The following NMI variants were observed in gnomAD, a reference collection of about 807,000 sequenced individuals.
NMI encodes the protein N-myc-interactor.
In NMI, 39 loss-of-function variants were observed where a neutral mutation model predicts 34.3. That is an observed-to-expected ratio of 1.14 (90% confidence interval 0.88 to 1.49). The LOEUF is 1.49. Ranked by LOEUF, NMI falls within the 40% of genes most tolerant of loss-of-function variation. NMI has a pLI of 0.00. For missense variants in NMI, 339 were observed against 358.1 expected (o/e 0.95, Z 0.43); for synonymous variants, 113 against 120.3 (o/e 0.94, Z 0.40).
At chr2:151,275,316 C>T (rs1683271425) in intron 6 of NMI, among the ~76,000 whole-genome samples, 168 bp downstream of exon 6, 1 of 152,062 alleles carries the variant, frequency 6.6e-6, no homozygotes, top group South Asian at 2.1e-4. Context: ...CTAGTACTGT[C>T]CCTGGAAATA....
At position 151,287,266 on chromosome 2, in the gene NMI, G is replaced by GAT. The variant is rs141061587; in HGVS notation, c.-7+2325_-7+2326dup. On this transcript the variant is annotated intron_variant, in intron 1 of 7. Transcript: ENST00000243346. ...CTGTAAGTTTGAGATGCCTTGAGACGATATATATATATAAGTATATATATA... is the reference window on the plus strand; with the variant it reads ...CTGTAAGTTTGAGATGCCTTGAGACGATATATATATATATAAGTATATATATA... 1.8e-3 allele frequency among the ~76,000 whole-genome samples: 268 copies of GAT among 149,250 alleles called. 1 individual carries two copies. The highest frequency in any genetic ancestry group is 6.1e-3 in the African/African-American group (249 of 40,612).
intron 6 of NMI, among the ~76,000 whole-genome samples, chr2:151,274,665 A>G (rs1248624363): frequency 6.6e-6 from 1 of 151,046 alleles, no homozygotes; most frequent in African/African-American, 2.4e-5. Context: ...TTTAGTAGAG[A>G]CGGGGTTTCA....
intron 4 of NMI, chr2:151,277,238 T>C (rs1434056635): frequency 3.3e-5 from 5 of 152,370 alleles, no homozygotes; most frequent in East Asian, 3.9e-4. Context: ...ACTTGGATGA[T>C]GGTTTTTTGT....
chr2:151,281,174 A>G (rs562571740), intron 3 of NMI, among the ~76,000 whole-genome samples: 9 of 152,144 alleles, frequency 5.9e-5, no homozygotes, highest in Admixed American at 3.9e-4. Context: ...AGTTGTTAAG[A>G]AAAAAAATGG....
At chr2:151,276,436 T>C (rs969807142) in intron 4 of NMI, among the ~76,000 whole-genome samples, 5 of 152,210 alleles carry the variant, frequency 3.3e-5, no homozygotes, top group Admixed American at 2.0e-4. Context: ...ATTCTTCTCA[T>C]AAGATGAATC....
intron 1 of NMI, among the ~76,000 whole-genome samples, chr2:151,287,770 G>A (rs1344179448): frequency 6.6e-6 from 1 of 152,110 alleles, no homozygotes; most frequent in Non-Finnish European, 1.5e-5. Context: ...ACTCCTCCCT[G>A]CAGACATTCA....
chr2:151,274,697 C>T (rs1297247300), intron 6 of NMI, among the ~76,000 whole-genome samples: 1 of 151,452 alleles, frequency 6.6e-6, no homozygotes, highest in African/African-American at 2.4e-5. Context: ...AGGCTGGTCT[C>T]GAACTCCTCA....
chr2:151,272,352 A>G (rs1306013421), intron 6 of NMI, among the ~76,000 whole-genome samples: 1 of 152,218 alleles, frequency 6.6e-6, no homozygotes, highest in African/African-American at 2.4e-5. Context: ...GGAATATACA[A>G]CCATGTTTTT....
At position 151,282,866 on chromosome 2, in the gene NMI, A is replaced by G. The variant is rs758245843; in HGVS notation, c.81+2T>C. 7.7e-6 allele frequency: 11 copies of G among 1,429,640 alleles called. No homozygotes were observed. Among genetic ancestry groups the G allele is most frequent in the African/African-American group, 1.4e-5 (1 of 70,464 alleles). The allele number at this position is 1,429,640 out of a possible 1,614,324, so 88.6% of individuals were successfully genotyped here. A position where few individuals can be genotyped will look rare whatever the true frequency, so the allele number is the denominator to read the frequency against. On this transcript the variant is annotated splice_donor_variant, in intron 2 of 7. Coordinates refer to ENST00000243346, the MANE Select transcript of NMI (RefSeq NM_004688.3). LOFTEE classifies it high-confidence loss of function. ...AATAATACCCAGTAATTTCCTTTTT[A>G]CCTTATTTTGTTCATCTTTTATAAA...
At chr2:151,282,801 C>T (rs1558877475) in intron 2 of NMI, 67 bp downstream of exon 2, 1 of 823,498 alleles carries the variant, frequency 1.2e-6, no homozygotes, top group Non-Finnish European at 1.9e-6. Context: ...ACATACAAAA[C>T]ATGCCTTACT....
chr2:151,275,593 G>C lies in NMI; in HGVS notation c.525C>G (p.Asp175Glu). 4 of 1,614,134 alleles carry C rather than the reference G, an allele frequency of 2.5e-6. No individual in the cohort carries two copies. Among genetic ancestry groups the C allele is most frequent in the Non-Finnish European group, 2.5e-6 (3 of 1,179,988 alleles). The change falls in exon 6 of 8, where the codon GAC (aspartate) becomes GAG (glutamate). Residue 175 changes from aspartate (D) to glutamate (E), a missense_variant. By Grantham distance (45) the Asp-to-Glu change is conservative. Transcript: ENST00000243346. ...PDTLREDQMR[D>E]KLELSFSKSR... ...ACTTTGAAAAGCTCAGCTCTAGTTT[G>C]TCTCTCATTTGATCTTCACGCAATG...
intron 1 of NMI, 148 bp from the exon 2 acceptor site, chr2:151,283,102 T>C (rs1265336581): frequency 1.4e-5 from 6 of 435,624 alleles, no homozygotes; most frequent in Middle Eastern, 6.2e-4. Context: ...TATTATCATA[T>C]GGCTTATATC....
intron 1 of NMI, among the ~76,000 whole-genome samples, chr2:151,287,718 C>T (rs148895246): frequency 3.3e-5 from 5 of 152,246 alleles, no homozygotes; most frequent in African/African-American, 1.2e-4. Flanking sequence ...TGTCATTTTC[C>T]GTGACACATC....
intron 4 of NMI, 25 bp from the exon 5 acceptor site, chr2:151,275,889 T>G: frequency 7.4e-7 from 1 of 1,350,676 alleles, no homozygotes; most frequent in Non-Finnish European, 1.0e-6. Context: ...AGGAAGGAAG[T>G]ATTAATTTCC....
rs780563308 is a variant in NMI at position 151,275,646 on chromosome 2, T to C, written c.472A>G (p.Lys158Glu). ...FQVYVEVSKM[K>E]INVTEIPDTL... ...TCAGGAATTTCAGTAACATTGATTTTCATTTTAGAAACTTCTACATAAACC... is the reference window on the plus strand; with the variant it reads ...TCAGGAATTTCAGTAACATTGATTTCCATTTTAGAAACTTCTACATAAACC... The change falls in exon 6 of 8, where the codon AAA becomes GAA. Residue 158 changes from lysine to glutamate, a missense_variant. Transcript: ENST00000243346. 1.1e-5 allele frequency: 18 copies of C among 1,614,032 alleles called. No homozygotes were observed. In the Admixed American group the frequency reaches 2.2e-4, roughly 19 times the overall value.
At chr2:151,289,415 A>G (rs1201153842) in intron 1 of NMI, among the ~76,000 whole-genome samples, 178 bp downstream of exon 1, 1 of 152,176 alleles carries the variant, frequency 6.6e-6, no homozygotes, top group African/African-American at 2.4e-5. Flanking sequence ...GCCCCCTCGA[A>G]GGCGGCGTGG....
At chr2:151,270,930 A>C in intron 7 of NMI, 55 bp from the exon 8 acceptor site, 1 of 1,292,682 alleles carries the variant, frequency 7.7e-7, no homozygotes, top group Non-Finnish European at 1.1e-6. Flanking sequence ...GAATTACAAA[A>C]CTTTACATTC....
Position 151,275,859 on chromosome 2 carries a change from G to T in NMI, c.346C>A (p.Gln116Lys). Residue 116 changes from glutamine to lysine, a missense_variant, in exon 5 of 8, where the codon CAA (glutamine) becomes AAA (lysine). Transcript: ENST00000243346. Reference protein sequence around the residue: ...LITFEKEEVAQNVVSMSKHHV... With the variant: ...LITFEKEEVAKNVVSMSKHHV... Reference sequence around the variant, plus strand: ...TGTTTACTCATGCTTACCACATTTTGAGCAACTGAAAAATAATTCAGGAAG... The same window carrying T: ...TGTTTACTCATGCTTACCACATTTTTAGCAACTGAAAAATAATTCAGGAAG... 1 of 1,570,748 alleles carries T rather than the reference G, an allele frequency of 6.4e-7. No homozygotes were observed. The highest frequency in any genetic ancestry group is 8.7e-7 in the Non-Finnish European group (1 of 1,155,936).
chr2:151,276,626 T>C (rs1447413114), intron 4 of NMI, among the ~76,000 whole-genome samples: 1 of 152,202 alleles, frequency 6.6e-6, no homozygotes, highest in Non-Finnish European at 1.5e-5. Flanking sequence ...CATGGCTAAG[T>C]GTCATTTGTA....
Sources: allele counts gnomAD v4.1 joint callset (sites outside exome capture counted in the v4.1 genomes callset), GRCh38; gene constraint gnomAD v4.1.1; transcripts MANE v1.5; gene names NCBI Gene and HGNC (gene_info 2026-07-23, HGNC 2026-07-21).